Variants in CAMK1D observed in about 807,000 individuals in gnomAD.
The protein encoded by CAMK1D is calcium/calmodulin-dependent protein kinase type 1D.
A neutral mutation model predicts 47.7 loss-of-function variants in CAMK1D; 9 were observed. The observed-to-expected ratio is 0.19, with a 90% CI of 0.11 to 0.33. The LOEUF (loss-of-function observed/expected upper bound fraction) is 0.33. Among genes scored for constraint, CAMK1D ranks in the 10% least tolerant of loss-of-function variants. The probability of loss-of-function intolerance (pLI) is 1.00; values close to 1 mark genes in which losing one functional copy is unlikely to be tolerated. For missense variants in CAMK1D, 291 were observed against 488.7 expected (o/e 0.60, Z 3.81); for synonymous variants, 184 against 184.9 (o/e 0.99, Z 0.04).
At chr10:12,350,526 G>A (rs1230090706) in intron 1 of CAMK1D, among the ~76,000 whole-genome samples, 1 of 151,648 alleles carries the variant, frequency 6.6e-6, no homozygotes, top group Non-Finnish European at 1.5e-5. Context: ...GCGCCGGGGA[G>A]CGCGTCTCCA....
At position 12,544,761 on chromosome 10, in the gene CAMK1D, G is replaced by T. The variant is rs1391186552; in HGVS notation, c.93-8464G>T. Among the ~76,000 whole-genome samples, 4 of 151,930 alleles carry T rather than the reference G, an allele frequency of 2.6e-5. No homozygotes were observed. In the East Asian group the frequency reaches 5.8e-4, roughly 22 times the overall value. On this transcript the variant is annotated intron_variant, in intron 1 of 10. Coordinates refer to ENST00000619168, the MANE Select transcript of CAMK1D (RefSeq NM_153498.4). Reference sequence around the variant, plus strand: ...GGATAGTACTAGTATTGAGTGGATGGTACTAGTGTTGAGTGGATAGTACTA... The same window carrying T: ...GGATAGTACTAGTATTGAGTGGATGTTACTAGTGTTGAGTGGATAGTACTA...
intron 1 of CAMK1D, among the ~76,000 whole-genome samples, chr10:12,410,703 GTTAGCAGGAATGACACACGT>G (rs962191581): frequency 2.6e-4 from 40 of 152,238 alleles, no homozygotes; most frequent in Admixed American, 2.2e-3. Context: ...TTAGTTCTTT[GTTAGCAGGAATGACACACGT>G]TTAGCAGGAA....
intron 2 of CAMK1D, among the ~76,000 whole-genome samples, chr10:12,624,781 C>G (rs145680672): frequency 1.3e-5 from 2 of 152,170 alleles, no homozygotes; most frequent in Non-Finnish European, 2.9e-5. Flanking sequence ...TGTTTGCTTC[C>G]CATTTCTCTT....
intron 3 of CAMK1D, among the ~76,000 whole-genome samples, chr10:12,697,398 C>G (rs1428304213): frequency 6.6e-6 from 1 of 152,028 alleles, no homozygotes. Flanking sequence ...TTTGAGAATG[C>G]AAATATTTTT....
At chr10:12,445,878 A>G (rs1832910587) in intron 1 of CAMK1D, among the ~76,000 whole-genome samples, 1 of 152,208 alleles carries the variant, frequency 6.6e-6, no homozygotes, top group South Asian at 2.1e-4. Context: ...TGAGGTCATC[A>G]TAGCAGATAT....
At chr10:12,445,076 G>A (rs1422348301) in intron 1 of CAMK1D, among the ~76,000 whole-genome samples, 1 of 152,168 alleles carries the variant, frequency 6.6e-6, no homozygotes, top group Non-Finnish European at 1.5e-5. Flanking sequence ...TGCTATACTA[G>A]AGACAGGCTG....
chr10:12,659,816 G>A (rs77541188), intron 2 of CAMK1D, among the ~76,000 whole-genome samples: 7,253 of 152,250 alleles, frequency 0.048, 237 homozygotes, highest in Middle Eastern at 0.078. Flanking sequence ...TGACAATGGT[G>A]GGTAGTGAAA....
In CAMK1D at chr10:12,507,509, A is replaced by G. The variant is rs183969004; in HGVS notation, c.93-45716A>G. Reference sequence around the variant, plus strand: ...TTTCCCTGTAATATCAGGAAATCCTATTTTTCCTTTTTCAGGAATGACAGA... The same window carrying G: ...TTTCCCTGTAATATCAGGAAATCCTGTTTTTCCTTTTTCAGGAATGACAGA... On this transcript the variant is annotated intron_variant, in intron 1 of 10. Transcript: ENST00000619168. Among the ~76,000 whole-genome samples the G allele has an allele frequency of 5.0e-3, 755 of 151,154 alleles. 2 individuals carry two copies. The highest frequency in any genetic ancestry group is 0.011 in the African/African-American group (439 of 41,116).
At chr10:12,349,977 TGCC>T in intron 1 of CAMK1D, 67 bp downstream of exon 1, 11 of 816,490 alleles carry the variant, frequency 1.3e-5, no homozygotes, top group East Asian at 4.5e-5. Flanking sequence ...CAGCTCCAGC[TGCC>T]GCCGCCGCCA....
At chr10:12,428,724 C>T (rs562319513) in intron 1 of CAMK1D, among the ~76,000 whole-genome samples, 47 of 152,282 alleles carry the variant, frequency 3.1e-4, no homozygotes, top group African/African-American at 8.4e-4. Context: ...TGTGTCCCCA[C>T]GAAATTTCTC....
chr10:12,595,342 G>GAAAAAAAAA (rs535214333), intron 2 of CAMK1D, among the ~76,000 whole-genome samples: 783 of 23,550 alleles, frequency 0.033, 288 homozygotes, highest in African/African-American at 0.093. Context: ...AACTCCATCT[G>GAAAAAAAAA]AAAAAAAAAA....
intron 1 of CAMK1D, among the ~76,000 whole-genome samples, chr10:12,397,525 G>A (rs1240699441): frequency 6.6e-6 from 1 of 152,194 alleles, no homozygotes; most frequent in Non-Finnish European, 1.5e-5. Flanking sequence ...TGAACAGACT[G>A]CATTGAAAAT....
chr10:12,516,236 G>A (rs2768409), intron 1 of CAMK1D, among the ~76,000 whole-genome samples: 2,859 of 152,204 alleles, frequency 0.019, 89 homozygotes, highest in African/African-American at 0.065. Flanking sequence ...AGCCTCCTGA[G>A]TAGCTGGGAT....
intron 2 of CAMK1D, among the ~76,000 whole-genome samples, chr10:12,638,989 C>T (rs1348754655): frequency 4.6e-5 from 7 of 152,320 alleles, no homozygotes; most frequent in East Asian, 1.9e-4. Flanking sequence ...ATGTCGTCTT[C>T]GTGAGGGCGG....
intron 1 of CAMK1D, among the ~76,000 whole-genome samples, chr10:12,486,101 T>C (rs78482384): frequency 0.02 from 2,979 of 152,196 alleles, 147 homozygotes; most frequent in Admixed American, 0.11. Context: ...GAAGCACCCA[T>C]GCAGTGCACA....
chr10:12,487,250 A>AT (rs1834246108), intron 1 of CAMK1D, among the ~76,000 whole-genome samples: 1 of 152,014 alleles, frequency 6.6e-6, no homozygotes, highest in South Asian at 2.1e-4. Flanking sequence ...TAGGAGCTAA[A>AT]TTTTTTCATT....
chr10:12,558,554 CA>C (rs10574542), intron 2 of CAMK1D, among the ~76,000 whole-genome samples: 244 of 150,436 alleles, frequency 1.6e-3, no homozygotes, highest in African/African-American at 5.1e-3. Context: ...AACTCCATCT[CA>C]AAAAAAAAAA....
At position 12,740,836 on chromosome 10, in the gene CAMK1D, G is replaced by A. The variant is rs141354314; in HGVS notation, c.300-20112G>A. On this transcript the variant is annotated intron_variant, in intron 3 of 10. Transcript: ENST00000619168. Reference sequence around the variant, plus strand: ...GAGTTGAACCTAGCATAACAAAAGCGGTCACTCACATCCCTTTGGTTGAGG... The same window carrying A: ...GAGTTGAACCTAGCATAACAAAAGCAGTCACTCACATCCCTTTGGTTGAGG... 3.1e-3 allele frequency among the ~76,000 whole-genome samples: 470 copies of A among 152,232 alleles called. 2 individuals carry two copies. Among genetic ancestry groups the A allele is most frequent in the African/African-American group, 0.011 (445 of 41,524 alleles).
At chr10:12,384,872 G>A (rs888051354) in intron 1 of CAMK1D, among the ~76,000 whole-genome samples, 13 of 152,260 alleles carry the variant, frequency 8.5e-5, no homozygotes, top group African/African-American at 2.2e-4. Context: ...TGGGAAATGC[G>A]TTTTGAAAAT....
Sources: allele counts gnomAD v4.1 joint callset (sites outside exome capture counted in the v4.1 genomes callset), GRCh38; gene constraint gnomAD v4.1.1; transcripts MANE v1.5; gene names NCBI Gene and HGNC (gene_info 2026-07-23, HGNC 2026-07-21).